INPP4B: variants seen among roughly 807,000 people sequenced by gnomAD.
INPP4B encodes inositol polyphosphate-4-phosphatase type II B, also known as inositol polyphosphate 4-phosphatase type II.
INPP4B carries 55 observed loss-of-function variants against 122.5 expected under a neutral mutation model. The ratio of observed to expected loss-of-function variants is 0.45; its 90% CI spans 0.36 to 0.56. INPP4B has a LOEUF of 0.56. Ranked by LOEUF, INPP4B falls within the 20% of genes least tolerant of loss-of-function variation. The pLI is 0.00. For missense variants in INPP4B, 1,000 were observed against 1,097.7 expected, an observed-to-expected ratio of 0.91 and a Z score of 1.26; for synonymous variants, 403 against 388.7, an observed-to-expected ratio of 1.04 and a Z score of -0.43.
intron 2 of INPP4B, among the ~76,000 whole-genome samples, chr4:142,635,120 T>C (rs1016704820): frequency 2.0e-5 from 3 of 152,118 alleles, no homozygotes; most frequent in African/African-American, 4.8e-5. Context: ...TCAATATTAC[T>C]GATCATTAGA....
intron 14 of INPP4B, among the ~76,000 whole-genome samples, chr4:142,203,763 T>G (rs1229677601): frequency 6.6e-6 from 1 of 152,044 alleles, no homozygotes. Context: ...CTGCCAGCTA[T>G]TGTTTGCAAA....
At chr4:142,416,919 A>T (rs1471873524) in intron 5 of INPP4B, among the ~76,000 whole-genome samples, 1 of 152,190 alleles carries the variant, frequency 6.6e-6, no homozygotes. Context: ...TAAGAGAAGG[A>T]GGAGTTTATA....
At chr4:142,509,628 T>C (rs1824462993) in intron 2 of INPP4B, among the ~76,000 whole-genome samples, 1 of 152,208 alleles carries the variant, frequency 6.6e-6, no homozygotes, top group Non-Finnish European at 1.5e-5. Context: ...TGGCTAGCCA[T>C]ATGCAGAAAA....
chr4:142,497,225 T>C (rs1822703939), intron 2 of INPP4B, among the ~76,000 whole-genome samples: 1 of 152,118 alleles, frequency 6.6e-6, no homozygotes, highest in Non-Finnish European at 1.5e-5. Context: ...ACTCTGGTTG[T>C]AACTAATGTG....
chr4:142,474,585 C>T (rs1054256060), intron 2 of INPP4B, among the ~76,000 whole-genome samples: 1 of 152,166 alleles, frequency 6.6e-6, no homozygotes, highest in South Asian at 2.1e-4. Flanking sequence ...CTGTGTGAAC[C>T]TAGCTGGAGG....
chr4:142,723,744 G>A (rs12648441), intron 2 of INPP4B, among the ~76,000 whole-genome samples: 1 of 152,074 alleles, frequency 6.6e-6, no homozygotes, highest in East Asian at 1.9e-4. Flanking sequence ...ACCTTCACTA[G>A]TATGTCTTAA....
At chr4:142,138,149 A>G (rs915657497) in intron 18 of INPP4B, among the ~76,000 whole-genome samples, 16 of 151,630 alleles carry the variant, frequency 1.1e-4, no homozygotes, top group Admixed American at 7.9e-4. Flanking sequence ...ATGTCCAACA[A>G]TGATAGACTG....
At chr4:142,296,886 T>C (rs1341065862) in intron 9 of INPP4B, among the ~76,000 whole-genome samples, 2 of 152,198 alleles carry the variant, frequency 1.3e-5, no homozygotes, top group Non-Finnish European at 2.9e-5. Flanking sequence ...TAAGGGCCTT[T>C]AACAGAGTTA....
intron 2 of INPP4B, among the ~76,000 whole-genome samples, chr4:142,688,832 A>G (rs1349418547): frequency 4.6e-5 from 7 of 152,148 alleles, no homozygotes; most frequent in African/African-American, 1.2e-4. Context: ...GGATACCATC[A>G]CTGTTGTGAA....
intron 2 of INPP4B, among the ~76,000 whole-genome samples, chr4:142,537,427 TATAGAGAGAGAGAGAGAGAGAG>T (rs1195411436): frequency 2.7e-4 from 9 of 33,870 alleles, no homozygotes; most frequent in African/African-American, 8.3e-4. Context: ...TATATATATA[TATAGAGAGAGAGAGAGAGAGAG>T]AGAGAGAGAG....
intron 2 of INPP4B, among the ~76,000 whole-genome samples, chr4:142,542,936 T>C (rs1400018235): frequency 1.5e-4 from 23 of 152,122 alleles, no homozygotes; most frequent in Admixed American, 1.4e-3. Context: ...GGTTTGATCA[T>C]GTAATGGAAA....
At chr4:142,255,007 C>T (rs1410878662) in intron 11 of INPP4B, among the ~76,000 whole-genome samples, 11 of 152,112 alleles carry the variant, frequency 7.2e-5, no homozygotes, top group South Asian at 2.1e-4. Flanking sequence ...GCGGCTCTCT[C>T]GGCAGAAACT....
At chr4:142,057,909 G>T (rs1758548514) in intron 25 of INPP4B, among the ~76,000 whole-genome samples, 1 of 151,918 alleles carries the variant, frequency 6.6e-6, no homozygotes, top group Admixed American at 6.6e-5. Flanking sequence ...AGCATCATAG[G>T]GTGTCAGCTT....
At chr4:142,484,010 G>A in intron 2 of INPP4B, among the ~76,000 whole-genome samples, 1 of 151,928 alleles carries the variant, frequency 6.6e-6, no homozygotes, top group East Asian at 1.9e-4. Context: ...CCTGTCCTGG[G>A]ATATCATGTA....
intron 1 of INPP4B, among the ~76,000 whole-genome samples, chr4:142,747,048 T>C (rs1466693664): frequency 6.6e-6 from 1 of 152,160 alleles, no homozygotes. Flanking sequence ...AAAGAGCTTC[T>C]GCACAGTGAA....
intron 1 of INPP4B, among the ~76,000 whole-genome samples, chr4:142,820,312 A>G (rs550614549): frequency 1.3e-5 from 2 of 152,236 alleles, no homozygotes; most frequent in East Asian, 1.9e-4. Flanking sequence ...CTCTTGCTCT[A>G]TTAATTCCCA....
At chr4:142,075,611 G>A (rs1212875070) in intron 25 of INPP4B, among the ~76,000 whole-genome samples, 2 of 152,002 alleles carry the variant, frequency 1.3e-5, no homozygotes, top group Non-Finnish European at 2.9e-5. Context: ...ATCCAAAGAT[G>A]CACTTTTAGA....
In INPP4B at chr4:142,469,864, C is replaced by T. The variant is rs865836201; in HGVS notation, c.-190-7138G>A. Reference sequence around the variant, plus strand: ...GGACTCCAAGGTTGCATATAGATAGCGAACCTAAACCCAATGTATAATAAA... The same window carrying T: ...GGACTCCAAGGTTGCATATAGATAGTGAACCTAAACCCAATGTATAATAAA... On this transcript the variant is annotated intron_variant, in intron 2 of 25. Transcript: ENST00000262992. Among the ~76,000 whole-genome samples the T allele has an allele frequency of 4.0e-5, 6 of 151,812 alleles. No homozygotes were observed. In the South Asian group the frequency reaches 1.0e-3, roughly 26 times the overall value.
At chr4:142,508,429 C>T (rs1824293637) in intron 2 of INPP4B, among the ~76,000 whole-genome samples, 1 of 152,106 alleles carries the variant, frequency 6.6e-6, no homozygotes, top group Admixed American at 6.6e-5. Context: ...TGCATGCTAC[C>T]ATGCCTGGCT....
Sources: allele counts gnomAD v4.1 joint callset (sites outside exome capture counted in the v4.1 genomes callset), GRCh38; gene constraint gnomAD v4.1.1; transcripts MANE v1.5; gene names NCBI Gene and HGNC (gene_info 2026-07-23, HGNC 2026-07-21).